Variants in SLC6A12 observed in about 807,000 individuals in gnomAD.
SLC6A12 encodes the protein solute carrier family 6 member 12, also known as sodium- and chloride-dependent betaine transporter.
SLC6A12 carries 50 observed loss-of-function variants against 73.3 expected under a neutral mutation model. That is an observed-to-expected ratio of 0.68 (90% CI 0.54 to 0.86). SLC6A12 has a LOEUF of 0.86. SLC6A12 is among the 40% of genes least tolerant of loss of function. The pLI, the probability that SLC6A12 is intolerant of heterozygous loss-of-function variation, is 0.00. For synonymous variants in SLC6A12, 304 were observed against 309.2 expected (o/e 0.98, Z 0.18); for missense variants, 648 against 772.8 (o/e 0.84, Z 1.92).
At chr12:191,986 T>C (rs541265357) in intron 15 of SLC6A12, among the ~76,000 whole-genome samples, 26 of 152,366 alleles carry the variant, frequency 1.7e-4, no homozygotes, top group African/African-American at 6.0e-4. Context: ...TGTGGGTCAT[T>C]GGCTATAGCT....
At chr12:187,478 G>A (rs1313850980), downstream of SLC6A12, among the ~76,000 whole-genome samples, 2 of 151,482 alleles carry the variant, frequency 1.3e-5, no homozygotes, top group Non-Finnish European at 1.5e-5. Flanking sequence ...ATGGTTCAGT[G>A]GTCTCGCTGG....
At chr12:184,607 G>C in the SLC6A12 span, among the ~76,000 whole-genome samples, 43,368 of 151,752 alleles carry the variant, frequency 0.29, 6,559 homozygotes, top group East Asian at 0.4. Context: ...AAAATTAGCC[G>C]GGCGTGGTGG....
At chr12:194,119 TTGAC>T (rs2137114793) in intron 13 of SLC6A12, 1 of 152,378 alleles carries the variant, frequency 6.6e-6, no homozygotes, top group Admixed American at 6.5e-5. Context: ...AGTGGTTCCT[TTGAC>T]TGTGAAAAGC....
intron 1 of SLC6A12, among the ~76,000 whole-genome samples, chr12:212,993 T>C (rs892589106): frequency 6.6e-6 from 1 of 152,010 alleles, no homozygotes; most frequent in African/African-American, 2.4e-5. Context: ...AGAGAGCAAA[T>C]CTTCAAGAGA....
chr12:191,117 G>A lies in SLC6A12; in HGVS notation c.1796C>T (p.Ser599Phe). ...GGCTATCAGTCCTTCCCTTGTTGGG[G>A]AGGGCCCAAAGTTCCGGCCAGCACT... ...DGSAGRNFGPSPTREGLIAGE... is the reference protein window; with the variant it reads ...DGSAGRNFGPFPTREGLIAGE... Residue 599 changes from serine to phenylalanine, a missense_variant, in exon 16 of 16, where the codon TCC (serine) becomes TTC (phenylalanine). Ser to Phe is a radical substitution (Grantham distance 155, BLOSUM62 -2). Coordinates refer to ENST00000684302, the MANE Select transcript of SLC6A12 (RefSeq NM_001122848.3). 1 of 1,357,554 alleles carries A rather than the reference G, an allele frequency of 7.4e-7. No homozygotes were observed. 84.1% of individuals were successfully genotyped at this position (1,357,554 alleles called of 1,614,324 possible). A position where few individuals can be genotyped will look rare whatever the true frequency, so the allele number is the denominator to read the frequency against.
chr12:201,804 G>A lies in SLC6A12; in HGVS notation c.536C>T (p.Thr179Ile). The A allele has an allele frequency of 6.2e-7, 1 of 1,614,122 alleles. No individual in the cohort carries two copies. The highest frequency in any genetic ancestry group is 2.2e-5 in the East Asian group (1 of 44,874). ...FLNHSGAGTV[T>I]PFENFTSPVM... ...AGGTGAGGTAAAATTCTCAAATGGG[G>A]TCACTGTGCCGGCTCCTGAGTGGTT... The change falls in exon 6 of 16, where the codon ACC becomes ATC. Residue 179 changes from threonine (T) to isoleucine (I), a missense_variant. Coordinates refer to ENST00000684302, the MANE Select transcript of SLC6A12 (RefSeq NM_001122848.3).
intron 13 of SLC6A12, 59 bp from the exon 14 acceptor site, chr12:193,436 G>T: frequency 7.5e-7 from 1 of 1,328,896 alleles, no homozygotes; most frequent in Non-Finnish European, 1.1e-6. Context: ...GCTTCCCGGT[G>T]TTTGGGAAAG....
intron 3 of SLC6A12, among the ~76,000 whole-genome samples, chr12:208,472 C>T (rs1330854045): frequency 6.6e-6 from 1 of 152,186 alleles, no homozygotes. Context: ...CAAATTATCT[C>T]TAAATGTGAG....
rs1352699332 is a variant in SLC6A12 at position 210,046 on chromosome 12, G to T, written c.-57-3C>A. 2 of 1,590,452 alleles carry T rather than the reference G, an allele frequency of 1.3e-6. No homozygotes were observed. On this transcript the variant is annotated splice_polypyrimidine_tract_variant and splice_region_variant and intron_variant, in intron 2 of 15. Transcript: ENST00000684302. ...GGCAGGATGACGAGGGCCAAAGCCTGGTGGGAAGAGAAGAAATTAGCTGTA... is the reference window on the plus strand; with the variant it reads ...GGCAGGATGACGAGGGCCAAAGCCTTGTGGGAAGAGAAGAAATTAGCTGTA...
intron 15 of SLC6A12, 27 bp downstream of exon 15, chr12:192,451 G>T: frequency 6.2e-7 from 1 of 1,610,058 alleles, no homozygotes; most frequent in African/African-American, 1.3e-5. Flanking sequence ...CCTCCTTTAA[G>T]AGGTCACTCT....
At chr12:203,059 C>CTTTTTTTTTTTTTTTTTTTTT (rs10582500) in intron 4 of SLC6A12, among the ~76,000 whole-genome samples, 179 bp from the exon 5 acceptor site, 1 of 68,340 alleles carries the variant, frequency 1.5e-5, no homozygotes, top group Non-Finnish European at 2.6e-5. Flanking sequence ...TTTTTCTTTT[C>CTTTTTTTTTTTTTTTTTTTTT]TTTTTTTTTT....
intron 6 of SLC6A12, chr12:201,554 G>A (rs568218653): frequency 3.4e-5 from 19 of 564,536 alleles, no homozygotes; most frequent in East Asian, 1.8e-4. Context: ...TGGACATGAC[G>A]GATAAATGTG....
chr12:197,455 C>A lies in SLC6A12; in HGVS notation c.997G>T (p.Ala333Ser). The change falls in exon 10 of 16, where the codon GCT becomes TCT. Residue 333 changes from alanine to serine, a missense_variant. Ala to Ser is a moderately conservative substitution (Grantham distance 99). Coordinates refer to ENST00000684302, the MANE Select transcript of SLC6A12 (RefSeq NM_001122848.3). Reference sequence around the variant, plus strand: ...AGGATGGAGAAGACAACAAACCCAGCCACAAAGCTGGTGGCACTGTTCAGG... The same window carrying A: ...AGGATGGAGAAGACAACAAACCCAGACACAAAGCTGGTGGCACTGTTCAGG... ...CFLNSATSFV[A>S]GFVVFSILGF... 1 of 1,613,906 alleles carries A rather than the reference C, an allele frequency of 6.2e-7. No individual in the cohort carries two copies. The highest frequency in any genetic ancestry group is 1.1e-5 in the South Asian group (1 of 91,048).
In SLC6A12 at chr12:200,740, A is replaced by G. The variant is rs1940214542; in HGVS notation, c.622T>C (p.Ser208Pro). ...GITSGIHDLG[S>P]LRWELALCLL... ...CACAGGGCCAGCTCCCAGCGCAGGG[A>G]GCCCAGGTCATGGATGCCCGAGGTG... Residue 208 changes from serine (S) to proline (P), a missense_variant, in exon 7 of 16, where the codon TCC becomes CCC. Transcript: ENST00000684302. The G allele has an allele frequency of 6.2e-7, 1 of 1,614,124 alleles. No homozygotes were observed. The highest frequency in any genetic ancestry group is 8.5e-7 in the Non-Finnish European group (1 of 1,180,006).
chr12:188,625 A>G (rs1404991107), downstream of SLC6A12, among the ~76,000 whole-genome samples: 2 of 152,202 alleles, frequency 1.3e-5, no homozygotes, highest in Non-Finnish European at 2.9e-5. Context: ...ACCTCTCAAA[A>G]GCAAACCCAA....
chr12:200,899 TC>T, intron 6 of SLC6A12, 116 bp from the exon 7 acceptor site: 2 of 1,040,768 alleles, frequency 1.9e-6, no homozygotes, highest in South Asian at 1.6e-5. Context: ...TTCCAGGGCT[TC>T]CCCCACTCCC....
downstream of SLC6A12, among the ~76,000 whole-genome samples, chr12:187,589 C>CAAAAAAAAAAAAAAAAAAAAAAAA (rs761187495): frequency 1.0e-4 from 11 of 106,046 alleles, no homozygotes; most frequent in South Asian, 3.6e-4. Context: ...TGCAAAAGAG[C>CAAAAAAAAAAAAAAAAAAAAAAAA]AAAAAAAAAA....
chr12:198,666 A>C lies in SLC6A12; in HGVS notation c.846+131T>G. 2.8e-6 allele frequency: 2 copies of C among 705,708 alleles called. No homozygotes were observed. The highest frequency in any genetic ancestry group is 2.7e-5 in the East Asian group (1 of 36,940). The allele number at this position is 705,708 out of a possible 1,614,324, so 43.7% of individuals were successfully genotyped here. A position where few individuals can be genotyped will look rare whatever the true frequency, so the allele number is the denominator to read the frequency against. On this transcript the variant is annotated intron_variant, in intron 8 of 15. Transcript: ENST00000684302. The surrounding 1 kb of genome is among the most constrained non-coding windows in gnomAD (Gnocchi z 4.0). ...TTTCTTTTTTATAGCTTTCTTCCAT[A>C]TTTTCTAATTTATCTCCAGTGGGCA...
chr12:206,961 G>A (rs780396848), intron 3 of SLC6A12, among the ~76,000 whole-genome samples: 13 of 152,356 alleles, frequency 8.5e-5, no homozygotes, highest in African/African-American at 1.2e-4. Context: ...GTGGATTTCC[G>A]CCCCACAGAA....
Sources: gnomAD v4.1 joint callset for allele counts (sites outside exome capture counted in the v4.1 genomes callset) on GRCh38, gnomAD v4.1.1 for gene constraint, Gnocchi (gnomAD v3.1) non-coding constraint, MANE v1.5 for transcripts, NCBI Gene and HGNC (gene_info 2026-07-23, HGNC 2026-07-21) for gene names.